DLG2: variants seen among roughly 807,000 people sequenced by gnomAD.
DLG2 encodes the protein discs large MAGUK scaffold protein 2, also known as disks large homolog 2.
DLG2 carries 45 observed loss-of-function variants against 132.5 expected under a neutral mutation model. The observed-to-expected ratio is 0.34, with a 90% CI of 0.27 to 0.44. The LOEUF (loss-of-function observed/expected upper bound fraction) is 0.44. Among genes scored for constraint, DLG2 ranks in the 20% least tolerant of loss-of-function variants. DLG2 has a pLI of 1.00. For synonymous variants in DLG2, 424 were observed against 419.6 expected, an observed-to-expected ratio of 1.01 and a Z score of -0.13; for missense variants, 1,045 against 1,196.9, an observed-to-expected ratio of 0.87 and a Z score of 1.87.
intron 4 of DLG2, among the ~76,000 whole-genome samples, chr11:85,197,161 C>T (rs72945965): frequency 0.086 from 13,141 of 152,162 alleles, 717 homozygotes; most frequent in African/African-American, 0.15. Flanking sequence ...TATAATTTGG[C>T]AGACCTTTCT....
intron 4 of DLG2, among the ~76,000 whole-genome samples, chr11:85,189,002 G>A (rs1221901829): frequency 1.3e-5 from 2 of 151,744 alleles, no homozygotes; most frequent in African/African-American, 2.4e-5. Flanking sequence ...AACAAAACCA[G>A]AATAGAAAAA....
At chr11:83,699,478 C>T (rs1313059404) in intron 18 of DLG2, among the ~76,000 whole-genome samples, 2 of 150,448 alleles carry the variant, frequency 1.3e-5, no homozygotes, top group East Asian at 1.9e-4. Flanking sequence ...AGGCGGATCA[C>T]GAGGTCAGGA....
At chr11:84,869,090 A>T (rs779083254) in intron 6 of DLG2, among the ~76,000 whole-genome samples, 8 of 152,178 alleles carry the variant, frequency 5.3e-5, no homozygotes, top group Non-Finnish European at 1.2e-4. Context: ...CTACTTGCCT[A>T]TTTGTTACAG....
At chr11:83,581,594 T>G (rs1017823157) in intron 19 of DLG2, among the ~76,000 whole-genome samples, 1 of 152,190 alleles carries the variant, frequency 6.6e-6, no homozygotes, top group African/African-American at 2.4e-5. Flanking sequence ...CAGGTGAAAA[T>G]AGATATGATT....
At chr11:85,095,772 A>G (rs1326921211) in intron 6 of DLG2, among the ~76,000 whole-genome samples, 1 of 152,224 alleles carries the variant, frequency 6.6e-6, no homozygotes, top group African/African-American at 2.4e-5. Context: ...CATGCACACC[A>G]GGGAGCTAGG....
chr11:85,553,627 G>C lies in DLG2; in HGVS notation c.40+45030C>G, dbSNP rs952129549. 4.6e-5 allele frequency among the ~76,000 whole-genome samples: 7 copies of C among 151,378 alleles called. 1 individual carries two copies. The highest frequency in any genetic ancestry group is 7.4e-5 in the Non-Finnish European group (5 of 67,692). ...ATGTGTGGAGGAAACTACATACAAA[G>C]GAGTGGAATATAAAATGAAATGTTA... On this transcript the variant is annotated intron_variant, in intron 3 of 27. Transcript: ENST00000376104.
At chr11:84,859,373 C>CATAT (rs1248744958) in intron 6 of DLG2, among the ~76,000 whole-genome samples, 1 of 143,104 alleles carries the variant, frequency 7.0e-6, no homozygotes, top group East Asian at 2.0e-4. Flanking sequence ...TGTATATATA[C>CATAT]ACATATATAT....
At chr11:83,889,257 C>G (rs1219003308) in intron 15 of DLG2, among the ~76,000 whole-genome samples, 6 of 151,864 alleles carry the variant, frequency 4.0e-5, no homozygotes, top group African/African-American at 1.5e-4. Flanking sequence ...AACAAATTTA[C>G]AAGAAAAAAA....
At chr11:84,111,983 G>T (rs1475368329) in intron 9 of DLG2, among the ~76,000 whole-genome samples, 2 of 151,906 alleles carry the variant, frequency 1.3e-5, no homozygotes, top group African/African-American at 2.4e-5. Flanking sequence ...CTAAGCATCT[G>T]AGAATGACTT....
At chr11:85,557,387 A>C (rs1379940405) in intron 3 of DLG2, among the ~76,000 whole-genome samples, 1 of 151,904 alleles carries the variant, frequency 6.6e-6, no homozygotes, top group Admixed American at 6.6e-5. Flanking sequence ...TGCCCAAAGA[A>C]ATATACAGAT....
At position 84,704,034 on chromosome 11, in the gene DLG2, T is replaced by C. The variant is rs79754654; in HGVS notation, c.358-169303A>G. On this transcript the variant is annotated intron_variant, in intron 6 of 27. Transcript: ENST00000376104. ...AGCCAGTACTTCTTAGCATATATCA[T>C]ATTAACTGCCTGTATATTTAATTTA... Among the ~76,000 whole-genome samples, 172 of 150,980 alleles carry C rather than the reference T, an allele frequency of 1.1e-3. 4 individuals are homozygous for C. In the East Asian group the frequency reaches 0.032, roughly 28 times the overall value.
chr11:85,269,657 A>G (rs2152731835), intron 4 of DLG2, among the ~76,000 whole-genome samples: 1 of 152,342 alleles, frequency 6.6e-6, no homozygotes, highest in East Asian at 1.9e-4. Context: ...TGTTCACAAT[A>G]GTGTTAATGT....
intron 6 of DLG2, among the ~76,000 whole-genome samples, chr11:84,898,311 T>A (rs2090455032): frequency 6.6e-6 from 1 of 151,986 alleles, no homozygotes; most frequent in Admixed American, 6.6e-5. Context: ...TTTTGCTTTA[T>A]TGGTTTCTTT....
intron 6 of DLG2, among the ~76,000 whole-genome samples, chr11:84,994,352 T>G (rs1468547103): frequency 6.6e-6 from 1 of 152,164 alleles, no homozygotes; most frequent in African/African-American, 2.4e-5. Context: ...AACACCAGAA[T>G]TATGGCTATA....
At chr11:83,741,823 T>C (rs1333005146) in intron 18 of DLG2, among the ~76,000 whole-genome samples, 1 of 151,886 alleles carries the variant, frequency 6.6e-6, no homozygotes, top group African/African-American at 2.4e-5. Flanking sequence ...CCTGGTTAAC[T>C]TGGTGAAACC....
chr11:84,793,015 G>A (rs1191662362), intron 6 of DLG2, among the ~76,000 whole-genome samples: 1 of 151,900 alleles, frequency 6.6e-6, no homozygotes, highest in Non-Finnish European at 1.5e-5. Context: ...TAAATAATTT[G>A]AAGTTTTTCT....
chr11:84,792,579 A>T (rs919895422), intron 6 of DLG2, among the ~76,000 whole-genome samples: 1 of 151,980 alleles, frequency 6.6e-6, no homozygotes, highest in Non-Finnish European at 1.5e-5. Context: ...GAGACTTTTA[A>T]TTATGAATTT....
chr11:84,108,408 A>G (rs2093116993), intron 9 of DLG2, among the ~76,000 whole-genome samples: 1 of 152,172 alleles, frequency 6.6e-6, no homozygotes. Flanking sequence ...GACAGAAAAA[A>G]TGGCTAACAT....
chr11:85,525,390 T>C (rs939420991), intron 3 of DLG2, among the ~76,000 whole-genome samples: 2 of 152,330 alleles, frequency 1.3e-5, no homozygotes, highest in South Asian at 2.1e-4. Context: ...TATCATTATC[T>C]ATCCTTGTCT....
Sources: gnomAD v4.1 joint callset for allele counts (sites outside exome capture counted in the v4.1 genomes callset) on GRCh38, gnomAD v4.1.1 for gene constraint, MANE v1.5 for transcripts, NCBI Gene and HGNC (gene_info 2026-07-23, HGNC 2026-07-21) for gene names.